Variants in VPS53 observed in about 807,000 individuals in gnomAD.
VPS53 encodes the protein vacuolar protein sorting-associated protein 53 homolog.
VPS53 carries 70 observed loss-of-function variants against 107.0 expected under a neutral mutation model. The observed-to-expected ratio is 0.65, with a 90% CI of 0.54 to 0.80. VPS53 has a LOEUF of 0.80. Among genes scored for constraint, VPS53 ranks in the 30% least tolerant of loss-of-function variants. The pLI is 0.00. For synonymous variants in VPS53, 409 were observed against 393.3 expected (o/e 1.04, Z -0.47); for missense variants, 917 against 1,049.4 (o/e 0.87, Z 1.74).
chr17:608,506 C>T (rs73277176), intron 11 of VPS53, among the ~76,000 whole-genome samples: 1,681 of 152,104 alleles, frequency 0.011, 27 homozygotes, highest in African/African-American at 0.034. Flanking sequence ...GTGGATACCT[C>T]CAGGGGGAGG....
intron 19 of VPS53, among the ~76,000 whole-genome samples, chr17:522,065 G>A (rs1908804034): frequency 6.6e-6 from 1 of 152,008 alleles, no homozygotes; most frequent in Admixed American, 6.6e-5. Context: ...ACCAGCCTGG[G>A]CAACATGGCA....
At chr17:631,789 G>A (rs1028011989) in intron 7 of VPS53, among the ~76,000 whole-genome samples, 161 bp from the exon 8 acceptor site, 1 of 151,912 alleles carries the variant, frequency 6.6e-6, no homozygotes, top group African/African-American at 2.4e-5. Flanking sequence ...GTGACAGGTT[G>A]ATGAGCAGGA....
chr17:579,725 T>C (rs1486562134), intron 13 of VPS53, among the ~76,000 whole-genome samples: 934 of 97,378 alleles, frequency 9.6e-3, no homozygotes, highest in Middle Eastern at 0.018. Context: ...TAATGCGTTC[T>C]CAGAGAACCT....
At chr17:711,765 A>G (rs1973650087) in intron 1 of VPS53, among the ~76,000 whole-genome samples, 1 of 152,164 alleles carries the variant, frequency 6.6e-6, no homozygotes, top group Non-Finnish European at 1.5e-5. Flanking sequence ...TGGAGGAAAA[A>G]AACTAACAGC....
chr17:633,609 G>C (rs989612186), intron 7 of VPS53, among the ~76,000 whole-genome samples: 29 of 152,078 alleles, frequency 1.9e-4, no homozygotes, highest in African/African-American at 7.0e-4. Context: ...TACTTTCCAA[G>C]GTTTTTCCAG....
At chr17:671,093 T>C (rs1971919743) in intron 4 of VPS53, among the ~76,000 whole-genome samples, 1 of 151,932 alleles carries the variant, frequency 6.6e-6, no homozygotes, top group African/African-American at 2.4e-5. Flanking sequence ...TAGCCAGCCA[T>C]CATGGTACAC....
rs190203976 is a variant in VPS53, at chr17:676,753, T to A, written c.286-14858A>T. ...CTAAAACTATTTTCAATAATCATGT[T>A]GCAGAAAAGCGGGACTTGGCGTTTC... On this transcript the variant is annotated intron_variant, in intron 4 of 21. Transcript: ENST00000437048. Among the ~76,000 whole-genome samples, 224 of 152,302 alleles carry A rather than the reference T, an allele frequency of 1.5e-3. 1 individual carries two copies. The highest frequency in any genetic ancestry group is 5.1e-3 in the African/African-American group (213 of 41,558).
intron 17 of VPS53, among the ~76,000 whole-genome samples, chr17:550,808 T>C (rs1911750698): frequency 6.6e-6 from 1 of 151,230 alleles, no homozygotes; most frequent in African/African-American, 2.4e-5. Flanking sequence ...GAGGTAGCGC[T>C]CAGTAAGTGC....
At chr17:634,700 C>G (rs1024111944) in intron 7 of VPS53, among the ~76,000 whole-genome samples, 1 of 151,984 alleles carries the variant, frequency 6.6e-6, no homozygotes, top group Non-Finnish European at 1.5e-5. Flanking sequence ...CCAGCTTCAT[C>G]TGTGTCCCTA....
intron 19 of VPS53, among the ~76,000 whole-genome samples, chr17:525,842 C>T (rs1909089434): frequency 6.6e-6 from 1 of 151,640 alleles, no homozygotes; most frequent in South Asian, 2.1e-4. Flanking sequence ...TACTAAAATA[C>T]AAAAATTAGC....
At chr17:633,095 G>A (rs58654928) in intron 7 of VPS53, among the ~76,000 whole-genome samples, 14,856 of 152,170 alleles carry the variant, frequency 0.098, 816 homozygotes, top group East Asian at 0.21. Context: ...AGAACTGTGC[G>A]TGTACTTGAA....
chr17:584,468 C>T (rs1167733142), intron 13 of VPS53, among the ~76,000 whole-genome samples: 1 of 152,150 alleles, frequency 6.6e-6, no homozygotes, highest in Non-Finnish European at 1.5e-5. Flanking sequence ...CAGTGAGATG[C>T]TTTATAAAAA....
chr17:565,505 C>G (rs1441485996), intron 13 of VPS53, among the ~76,000 whole-genome samples: 1 of 151,844 alleles, frequency 6.6e-6, no homozygotes. Flanking sequence ...TAGGCTAAGT[C>G]TCTGTCTGTG....
At chr17:713,915 T>G (rs1284847834) in intron 1 of VPS53, among the ~76,000 whole-genome samples, 3 of 147,112 alleles carry the variant, frequency 2.0e-5, no homozygotes, top group South Asian at 2.2e-4. Flanking sequence ...TGTGGTGGCG[T>G]GCGCCTGTAA....
At chr17:572,511 A>G (rs12937918) in intron 13 of VPS53, among the ~76,000 whole-genome samples, 138,001 of 150,824 alleles carry the variant, frequency 0.91, 63,242 homozygotes, top group Admixed American at 0.95. Context: ...CCCTCTGCCC[A>G]GCGCGTCTGG....
intron 14 of VPS53, among the ~76,000 whole-genome samples, chr17:560,774 T>G (rs1912876079): frequency 1.3e-5 from 2 of 152,214 alleles, no homozygotes; most frequent in African/African-American, 4.8e-5. Flanking sequence ...CTATTTTAGT[T>G]AATCTGAATC....
chr17:652,961 A>T (rs1183613131), intron 7 of VPS53, among the ~76,000 whole-genome samples: 1 of 152,256 alleles, frequency 6.6e-6, no homozygotes, highest in Non-Finnish European at 1.5e-5. Context: ...TGCAGTGAAC[A>T]CGCTGAGCTA....
intron 11 of VPS53, among the ~76,000 whole-genome samples, chr17:612,803 C>T (rs1968952276): frequency 6.8e-6 from 1 of 147,330 alleles, no homozygotes. Context: ...TACAAATATT[C>T]ACATAGTGAG....
chr17:702,981 G>GA (rs1242067715), intron 2 of VPS53, among the ~76,000 whole-genome samples: 3 of 152,204 alleles, frequency 2.0e-5, no homozygotes, highest in Admixed American at 2.0e-4. Context: ...CAAGGTACGT[G>GA]GGTTTCCTAA....
Sources: gnomAD v4.1 joint callset for allele counts (sites outside exome capture counted in the v4.1 genomes callset) on GRCh38, gnomAD v4.1.1 for gene constraint, MANE v1.5 for transcripts, NCBI Gene and HGNC (gene_info 2026-07-23, HGNC 2026-07-21) for gene names.